The following NAA11 variants were observed in gnomAD, a reference collection of about 807,000 sequenced individuals.
The protein encoded by NAA11 is N-alpha-acetyltransferase 11.
Under a neutral mutation model 16.1 loss-of-function variants are expected in NAA11, and 15 were observed. The ratio of observed to expected loss-of-function variants is 0.93; its 90% CI spans 0.62 to 1.44. NAA11 has a LOEUF of 1.44. Among genes scored for constraint, NAA11 ranks in the 40% most tolerant of loss-of-function variants. The pLI is 0.00. For missense variants in NAA11, 298 were observed against 291.3 expected (o/e 1.02, Z -0.17); for synonymous variants, 122 against 112.4 (o/e 1.09, Z -0.54).
rs529465042 is a variant in NAA11 at position 79,317,106 on chromosome 4, C to T, written c.*698G>A. 6 of 152,096 alleles carry T rather than the reference C, an allele frequency of 3.9e-5. No individual in the cohort carries two copies. The highest frequency in any genetic ancestry group is 7.4e-5 in the Non-Finnish European group (5 of 67,994). 9.4% of individuals were successfully genotyped at this position (152,096 alleles called of 1,614,324 possible). A position where few individuals can be genotyped will look rare whatever the true frequency, so the allele number is the denominator to read the frequency against. On this transcript the variant is annotated 3_prime_UTR_variant, in exon 2 of 2. Transcript: ENST00000286794. ...TGACATAATCACAAAAAAACTAACA[C>T]AAACAAGCACATTAGAGATTCCAAT...
At chr4:79,298,757 G>A (rs1298725976) in intron 1 of NAA11, among the ~76,000 whole-genome samples, 1 of 152,236 alleles carries the variant, frequency 6.6e-6, no homozygotes, top group Admixed American at 6.5e-5. Flanking sequence ...GCAGCCTACT[G>A]GCCAAGTGGG....
rs528431109 is a variant in NAA11, at chr4:79,274,694, C to A, written c.*122+19311G>T. On this transcript the variant is annotated intron_variant and NMD_transcript_variant, in intron 2 of 2. Coordinates refer to the NAA11 transcript ENST00000511542. ...AAAATGAATTAGTATATGAAAGGTG[C>A]TTGGAACAGTGCATGGCATGTAAAA... is the stretch of plus-strand genomic sequence containing the variant. Among the ~76,000 whole-genome samples, 12 of 152,064 alleles carry A rather than the reference C, an allele frequency of 7.9e-5. No homozygotes were observed. The South Asian group carries it at 2.5e-3, about 32-fold the overall frequency.
At chr4:79,209,471 C>G in the NAA11 span, among the ~76,000 whole-genome samples, 1 of 152,038 alleles carries the variant, frequency 6.6e-6, no homozygotes, top group Non-Finnish European at 1.5e-5. Flanking sequence ...ATTGTGGTGG[C>G]CCAAAAAAGT....
chr4:79,323,270 C>T (rs1028558388), intron 1 of NAA11, among the ~76,000 whole-genome samples: 2 of 152,254 alleles, frequency 1.3e-5, no homozygotes, highest in South Asian at 4.1e-4. Context: ...ATTCCTAAGG[C>T]GATACAAAGT....
rs117638415 is a variant in NAA11, at chr4:79,324,936, T to C, written c.*12+240A>G. On this transcript the variant is annotated intron_variant, in intron 1 of 1. Transcript: ENST00000286794. ...ACTCATGCCCAAAAAGCAGGATAAA[T>C]GCTTGTTTCTTCATTGAAATTAATC... 2.2e-4 allele frequency among the ~76,000 whole-genome samples: 34 copies of C among 152,342 alleles called. No individual in the cohort carries two copies. In the East Asian group the frequency reaches 6.2e-3, roughly 28 times the overall value.
chr4:79,262,056 G>A (rs948148546), intron 2 of NAA11, among the ~76,000 whole-genome samples: 4 of 151,992 alleles, frequency 2.6e-5, no homozygotes, highest in African/African-American at 9.7e-5. Context: ...TGAATATAAT[G>A]GTGTGGACTG....
intron 2 of NAA11, among the ~76,000 whole-genome samples, chr4:79,265,307 T>C (rs187843812): frequency 2.0e-5 from 3 of 152,302 alleles, no homozygotes; most frequent in Non-Finnish European, 2.9e-5. Flanking sequence ...TATTCCTTTT[T>C]CCACTTTTGC....
chr4:79,179,283 G>A, the NAA11 span, among the ~76,000 whole-genome samples: 1 of 152,110 alleles, frequency 6.6e-6, no homozygotes, highest in Non-Finnish European at 1.5e-5. Flanking sequence ...CTAAGAGAGA[G>A]CGGAAATTCT....
chr4:79,200,724 G>C, the NAA11 span, among the ~76,000 whole-genome samples: 2 of 151,774 alleles, frequency 1.3e-5, no homozygotes, highest in South Asian at 4.1e-4. Flanking sequence ...GAGTTTTCCT[G>C]TCATTGATTC....
the NAA11 span, among the ~76,000 whole-genome samples, chr4:79,218,236 A>G: frequency 6.6e-6 from 1 of 152,134 alleles, no homozygotes; most frequent in Non-Finnish European, 1.5e-5. Context: ...ATTAATTTGT[A>G]ATCAAAATTA....
At chr4:79,189,498 G>A in the NAA11 span, among the ~76,000 whole-genome samples, 7 of 152,248 alleles carry the variant, frequency 4.6e-5, no homozygotes, top group Middle Eastern at 3.4e-3. Flanking sequence ...AGTGGCATTC[G>A]GAGTGGGAAT....
the NAA11 span, among the ~76,000 whole-genome samples, chr4:79,184,946 TTTTTC>T: frequency 6.6e-6 from 1 of 152,182 alleles, no homozygotes. Flanking sequence ...AACTACATCT[TTTTTC>T]TTTAACATTT....
At chr4:79,208,818 A>AG in the NAA11 span, among the ~76,000 whole-genome samples, 63 of 150,840 alleles carry the variant, frequency 4.2e-4, 1 homozygote, top group East Asian at 8.6e-3. Context: ...GCTAAAACTA[A>AG]TAATTTGGAT....
chr4:79,275,329 T>C (rs1036854033), intron 2 of NAA11, among the ~76,000 whole-genome samples: 4 of 152,052 alleles, frequency 2.6e-5, no homozygotes, highest in Non-Finnish European at 4.4e-5. Flanking sequence ...CGTTTCATGA[T>C]AGGGATTGCC....
rs777733359 is a variant in NAA11 at position 79,325,322 on chromosome 4, A to T, written c.556T>A (p.Ser186Thr). The change falls in exon 1 of 2, where the codon TCT becomes ACT. Residue 186 changes from serine to threonine, a missense_variant. Coordinates refer to ENST00000286794, the MANE Select transcript of NAA11 (RefSeq NM_032693.3). ...TGCTGACAGGCCTCTTCAGAATCAG[A>T]AAGTGTGCTGCCCTGGGTCTCCTGG... ...ENQETQGSTLSDSEEACQQKN... is the reference protein window; with the variant it reads ...ENQETQGSTLTDSEEACQQKN... 35 of 1,613,812 alleles carry T rather than the reference A, an allele frequency of 2.2e-5. No homozygotes were observed. The South Asian group carries it at 3.5e-4, about 16-fold the overall frequency.
chr4:79,231,065 T>C (rs1009395069), intron 2 of NAA11, among the ~76,000 whole-genome samples: 1 of 152,030 alleles, frequency 6.6e-6, no homozygotes, highest in Middle Eastern at 3.2e-3. Context: ...CAGAGTTTAG[T>C]ACAATGCCTA....
chr4:79,322,646 A>ATT lies in NAA11; in HGVS notation c.*12+2528_*12+2529dup, dbSNP rs536105155. On this transcript the variant is annotated intron_variant, in intron 1 of 1. Coordinates refer to ENST00000286794, the MANE Select transcript of NAA11 (RefSeq NM_032693.3). ...TCTACGAAGGAATTTGAAAGTTGAA[A>ATT]TTTTTTTTAAAAGGTTTGTGCATTC... 8.8e-3 allele frequency among the ~76,000 whole-genome samples: 1,340 copies of ATT among 152,146 alleles called. 22 individuals are homozygous for ATT. Among genetic ancestry groups the ATT allele is most frequent in the African/African-American group, 0.031 (1,294 of 41,512 alleles).
chr4:79,277,080 A>G (rs1227019383), intron 2 of NAA11, among the ~76,000 whole-genome samples: 2 of 152,160 alleles, frequency 1.3e-5, no homozygotes, highest in Non-Finnish European at 2.9e-5. Flanking sequence ...TTAAAACTCA[A>G]TGTTGCACCT....
At chr4:79,188,419 A>G in the NAA11 span, among the ~76,000 whole-genome samples, 1 of 152,010 alleles carries the variant, frequency 6.6e-6, no homozygotes, top group Non-Finnish European at 1.5e-5. Context: ...CCCCATCTCT[A>G]CTAAAAATAC....
Sources: gnomAD v4.1 joint callset for allele counts (sites outside exome capture counted in the v4.1 genomes callset) on GRCh38, gnomAD v4.1.1 for gene constraint, MANE v1.5 for transcripts, NCBI Gene and HGNC (gene_info 2026-07-23, HGNC 2026-07-21) for gene names.